Variants in SGIP1 observed in about 807,000 individuals in gnomAD.
SGIP1 encodes the protein SH3GL interacting endocytic adaptor 1.
SGIP1 carries 38 observed loss-of-function variants against 107.5 expected under a neutral mutation model. The ratio of observed to expected loss-of-function variants is 0.35; its 90% CI spans 0.27 to 0.46. The LOEUF (loss-of-function observed/expected upper bound fraction) is 0.46. SGIP1 is among the 20% of genes least tolerant of loss of function. The pLI, the probability that SGIP1 is intolerant of heterozygous loss-of-function variation, is 1.00. For missense variants in SGIP1, 929 were observed against 1,019.5 expected (o/e 0.91, Z 1.21); for synonymous variants, 365 against 366.1 (o/e 1.00, Z 0.03).
intron 9 of SGIP1, among the ~76,000 whole-genome samples, chr1:66,668,232 C>A (rs1029402400): frequency 2.6e-5 from 4 of 151,980 alleles, no homozygotes; most frequent in Non-Finnish European, 4.4e-5. Context: ...GCTCTGTTGC[C>A]CAGGCTGGAG....
intron 15 of SGIP1, among the ~76,000 whole-genome samples, chr1:66,688,470 C>A (rs1318864973): frequency 6.6e-6 from 1 of 152,176 alleles, no homozygotes; most frequent in African/African-American, 2.4e-5. Context: ...TCGTCATGGG[C>A]AAACTCTGCA....
At chr1:66,645,981 C>G (rs1282547783) in intron 7 of SGIP1, among the ~76,000 whole-genome samples, 1 of 152,126 alleles carries the variant, frequency 6.6e-6, no homozygotes, top group Non-Finnish European at 1.5e-5. Context: ...GCTGGGATTA[C>G]AGGCACGTGC....
At chr1:66,614,265 G>T (rs1374338991) in intron 1 of SGIP1, among the ~76,000 whole-genome samples, 1 of 152,208 alleles carries the variant, frequency 6.6e-6, no homozygotes, top group Non-Finnish European at 1.5e-5. Context: ...TTTTCCAAGA[G>T]AGTTGACTTG....
At chr1:66,743,010 C>T in intron 24 of SGIP1, 63 bp from the exon 25 acceptor site, 1 of 1,576,220 alleles carries the variant, frequency 6.3e-7, no homozygotes, top group Non-Finnish European at 8.7e-7. Flanking sequence ...GAAAAGTTAC[C>T]CATATAATAA....
Position 66,745,599 on chromosome 1 carries a change from T to C in SGIP1, c.*2504T>C, listed in dbSNP as rs936846899. 2.6e-5 allele frequency: 4 copies of C among 152,228 alleles called. No homozygotes were observed. The highest frequency in any genetic ancestry group is 7.2e-5 in the African/African-American group (3 of 41,564). The allele number at this position is 152,228 out of a possible 1,614,324, so 9.4% of individuals were successfully genotyped here. ...TATCAAAGACATTAAGTCAGATTCA[T>C]TTATTCATTTTATTCCCAAGTCAGA... On this transcript the variant is annotated 3_prime_UTR_variant, in exon 25 of 25. Coordinates refer to ENST00000371037, the MANE Select transcript of SGIP1 (RefSeq NM_032291.4).
chr1:66,550,183 C>T (rs1283792338), intron 1 of SGIP1, among the ~76,000 whole-genome samples: 1 of 152,142 alleles, frequency 6.6e-6, no homozygotes, highest in Non-Finnish European at 1.5e-5. Flanking sequence ...CTTCAGACTT[C>T]ATCATTTCTC....
chr1:66,636,161 G>A (rs7524680), intron 4 of SGIP1, 146 bp downstream of exon 4: 194,328 of 711,838 alleles, frequency 0.27, 27,208 homozygotes, highest in Middle Eastern at 0.31. Flanking sequence ...CTTCTTGAAT[G>A]TCTGGGGCCA....
intron 8 of SGIP1, 105 bp from the exon 9 acceptor site, chr1:66,667,421 GTGTA>G: frequency 1.0e-6 from 1 of 983,456 alleles, no homozygotes; most frequent in Non-Finnish European, 1.6e-6. Flanking sequence ...ATTCTCTGGA[GTGTA>G]TGTTTGGTTA....
At position 66,749,995 on chromosome 1, in the gene SGIP1, TTCTC is replaced by T. The variant is rs71058473; in HGVS notation, c.*6918_*6921del. Reference sequence around the variant, plus strand: ...GAGATTGGCTCCTATCTAATTCATATTCTCTCTCTCTCTCTCTCTCTTTCTCTGT... The same window carrying T: ...GAGATTGGCTCCTATCTAATTCATATTCTCTCTCTCTCTCTCTTTCTCTGT... On this transcript the variant is annotated 3_prime_UTR_variant, in exon 25 of 25. Transcript: ENST00000371037. Among the ~76,000 whole-genome samples, 10 of 93,190 alleles carry T rather than the reference TTCTC, an allele frequency of 1.1e-4. No homozygotes were observed. The highest frequency in any genetic ancestry group is 9.2e-4 in the East Asian group (4 of 4,354). The allele number at this position is 93,190 out of a possible 152,430, so 61.1% of individuals were successfully genotyped here. A position where few individuals can be genotyped will look rare whatever the true frequency, so the allele number is the denominator to read the frequency against.
chr1:66,612,115 G>A (rs1160687680), intron 1 of SGIP1, among the ~76,000 whole-genome samples: 2 of 152,130 alleles, frequency 1.3e-5, no homozygotes, highest in Non-Finnish European at 2.9e-5. Flanking sequence ...TTCCACTCCT[G>A]GCAGAAGATG....
At chr1:66,684,312 G>C in intron 15 of SGIP1, 9 of 1,375,444 alleles carry the variant, frequency 6.5e-6, no homozygotes, top group Non-Finnish European at 8.8e-6. Flanking sequence ...CAGTGTCATC[G>C]ACAAGATCAC....
At chr1:66,609,654 A>G (rs767966261) in intron 1 of SGIP1, among the ~76,000 whole-genome samples, 50 of 152,344 alleles carry the variant, frequency 3.3e-4, no homozygotes, top group Non-Finnish European at 6.3e-4. Flanking sequence ...AACAAGATGC[A>G]TGGATGTATT....
chr1:66,633,685 G>T (rs970713195), intron 3 of SGIP1, among the ~76,000 whole-genome samples: 3 of 152,070 alleles, frequency 2.0e-5, no homozygotes, highest in Non-Finnish European at 4.4e-5. Flanking sequence ...GAAGTCCGTG[G>T]TGCATGGGCT....
intron 1 of SGIP1, among the ~76,000 whole-genome samples, chr1:66,573,267 A>T (rs899385226): frequency 3.9e-5 from 6 of 152,120 alleles, no homozygotes; most frequent in African/African-American, 1.4e-4. Context: ...AAAATAACAG[A>T]TGTTAGTGAG....
At chr1:66,656,620 A>G (rs889234030) in intron 7 of SGIP1, among the ~76,000 whole-genome samples, 3 of 152,166 alleles carry the variant, frequency 2.0e-5, no homozygotes, top group Admixed American at 2.0e-4. Context: ...TCCATATACA[A>G]TGCATGACAG....
At chr1:66,564,766 T>C (rs2059421159) in intron 1 of SGIP1, among the ~76,000 whole-genome samples, 2 of 151,904 alleles carry the variant, frequency 1.3e-5, no homozygotes, top group African/African-American at 4.8e-5. Flanking sequence ...CACAATCTAC[T>C]ATCTGTGGGC....
chr1:66,656,072 T>C (rs1209331191), intron 7 of SGIP1, among the ~76,000 whole-genome samples: 1 of 152,194 alleles, frequency 6.6e-6, no homozygotes, highest in Non-Finnish European at 1.5e-5. Context: ...TTAAATTCTT[T>C]ATACTCTATT....
intron 18 of SGIP1, among the ~76,000 whole-genome samples, chr1:66,701,582 TAAG>T (rs1433399098): frequency 1.3e-5 from 2 of 152,218 alleles, no homozygotes; most frequent in Admixed American, 1.3e-4. Flanking sequence ...CTCAACCTGT[TAAG>T]AAGATTAAAG....
chr1:66,723,056 T>C (rs2093612284), intron 19 of SGIP1, among the ~76,000 whole-genome samples: 1 of 152,238 alleles, frequency 6.6e-6, no homozygotes, highest in African/African-American at 2.4e-5. Flanking sequence ...AATCAGAAAC[T>C]TATAAATGAA....
Sources: allele counts gnomAD v4.1 joint callset (sites outside exome capture counted in the v4.1 genomes callset), GRCh38; gene constraint gnomAD v4.1.1; transcripts MANE v1.5; gene names NCBI Gene and HGNC (gene_info 2026-07-23, HGNC 2026-07-21).